The following CYRIA variants were observed in gnomAD, a reference collection of about 807,000 sequenced individuals.
The protein encoded by CYRIA is CYFIP related Rac1 interactor A, also known as CYFIP-related Rac1 interactor A.
In CYRIA, 15 loss-of-function variants were observed where a neutral mutation model predicts 43.9. The observed-to-expected ratio is 0.34, with a 90% CI of 0.23 to 0.53. The LOEUF (loss-of-function observed/expected upper bound fraction) is 0.53. CYRIA is among the 20% of genes least tolerant of loss of function. The pLI is 0.94. For synonymous variants in CYRIA, 117 were observed against 136.0 expected (o/e 0.86, Z 0.97); for missense variants, 236 against 394.2 (o/e 0.60, Z 3.40).
intron 3 of CYRIA, among the ~76,000 whole-genome samples, chr2:16,572,502 C>T (rs1314589437): frequency 6.6e-6 from 1 of 152,094 alleles, no homozygotes; most frequent in Non-Finnish European, 1.5e-5. Flanking sequence ...AACAGCTTAG[C>T]AGATGGGAGG....
rs963484855 is a variant in CYRIA at position 16,650,582 on chromosome 2, A to T, written c.-167+15198T>A. On this transcript the variant is annotated intron_variant, in intron 1 of 11. Transcript: ENST00000381323. This position sits in a 1 kb window ranked among gnomAD's most constrained non-coding sequence, Gnocchi z 4.1. ...GCTGGCAGCCCCAGCTCTCACACTC[A>T]GAGGCTCCACAAAGCAACCCTAAAC... Among the ~76,000 whole-genome samples the T allele has an allele frequency of 1.5e-4, 23 of 152,354 alleles. No homozygotes were observed. The highest frequency in any genetic ancestry group is 1.5e-4 in the Non-Finnish European group (10 of 68,040).
At chr2:16,628,407 G>A (rs553789194) in intron 1 of CYRIA, among the ~76,000 whole-genome samples, 1 of 152,316 alleles carries the variant, frequency 6.6e-6, no homozygotes, top group African/African-American at 2.4e-5. Flanking sequence ...CGTGTGTGCT[G>A]TGAAATGGTT....
chr2:16,663,134 A>G (rs1670306365), intron 1 of CYRIA, among the ~76,000 whole-genome samples: 1 of 152,216 alleles, frequency 6.6e-6, no homozygotes. Context: ...GCTGTCTTTA[A>G]GATTGAGATC....
intron 10 of CYRIA, among the ~76,000 whole-genome samples, chr2:16,555,752 G>C (rs1666486028): frequency 6.6e-6 from 1 of 152,064 alleles, no homozygotes; most frequent in Non-Finnish European, 1.5e-5. Context: ...GAGAAACTTG[G>C]AGAATTTAGT....
chr2:16,558,772 T>C (rs573969317), intron 10 of CYRIA, among the ~76,000 whole-genome samples: 3 of 152,216 alleles, frequency 2.0e-5, no homozygotes, highest in African/African-American at 7.2e-5. Context: ...ATGAGGTATA[T>C]AGATTATGGT....
Position 16,622,652 on chromosome 2 carries a change from A to G in CYRIA, c.-11+1212T>C, listed in dbSNP as rs1378443463. On this transcript the variant is annotated intron_variant, in intron 2 of 11. Transcript: ENST00000381323. ...ATCCCTACCTTACAGGTGGGGAAACAGAAGCTTGGGGATTTAAAATGGTGA... is the reference window on the plus strand; with the variant it reads ...ATCCCTACCTTACAGGTGGGGAAACGGAAGCTTGGGGATTTAAAATGGTGA... Among the ~76,000 whole-genome samples the G allele has an allele frequency of 2.6e-5, 4 of 152,232 alleles. 1 individual carries two copies. The East Asian group carries it at 7.7e-4, about 29-fold the overall frequency.
intron 2 of CYRIA, among the ~76,000 whole-genome samples, chr2:16,613,567 T>C (rs756113689): frequency 3.3e-5 from 5 of 149,518 alleles, no homozygotes; most frequent in Admixed American, 1.3e-4. Flanking sequence ...GTTACTATAT[T>C]GTATATTTCT....
chr2:16,577,882 C>T (rs565965167), intron 3 of CYRIA, among the ~76,000 whole-genome samples: 1 of 152,320 alleles, frequency 6.6e-6, no homozygotes, highest in South Asian at 2.1e-4. Context: ...TGAAGTGTGG[C>T]CATCTATGAC....
chr2:16,586,496 C>A (rs972122944), intron 3 of CYRIA, among the ~76,000 whole-genome samples: 4 of 151,878 alleles, frequency 2.6e-5, no homozygotes, highest in Admixed American at 6.6e-5. Flanking sequence ...CCAAACCAAG[C>A]CAAACAATAA....
chr2:16,613,569 T>C (rs575405333), intron 2 of CYRIA, among the ~76,000 whole-genome samples: 1 of 149,666 alleles, frequency 6.7e-6, no homozygotes, highest in Admixed American at 6.6e-5. Context: ...TACTATATTG[T>C]ATATTTCTGC....
chr2:16,658,829 C>T (rs184665887), intron 1 of CYRIA, among the ~76,000 whole-genome samples: 171 of 152,310 alleles, frequency 1.1e-3, no homozygotes, highest in African/African-American at 4.0e-3. Context: ...GGGTGTTCAT[C>T]AGCATGCATG....
chr2:16,581,813 C>T lies in CYRIA; in HGVS notation c.70+6237G>A, dbSNP rs1400792955. On this transcript the variant is annotated intron_variant, in intron 3 of 11. Coordinates refer to ENST00000381323, the MANE Select transcript of CYRIA (RefSeq NM_030797.4). Reference sequence around the variant, plus strand: ...GGGAAATAGCCCATATGATCATCAACAGGAAAATGAAAACGAATTGTCATA... The same window carrying T: ...GGGAAATAGCCCATATGATCATCAATAGGAAAATGAAAACGAATTGTCATA... Among the ~76,000 whole-genome samples the T allele has an allele frequency of 4.6e-5, 7 of 152,016 alleles. No individual in the cohort carries two copies. The South Asian group carries it at 1.0e-3, about 23-fold the overall frequency.
chr2:16,579,512 G>A (rs1036852814), intron 3 of CYRIA, among the ~76,000 whole-genome samples: 1 of 151,700 alleles, frequency 6.6e-6, no homozygotes, highest in African/African-American at 2.4e-5. Context: ...TCATTGAGAA[G>A]CTTATGGCAT....
chr2:16,603,456 G>T (rs560025348), intron 2 of CYRIA, among the ~76,000 whole-genome samples: 1 of 152,224 alleles, frequency 6.6e-6, no homozygotes, highest in African/African-American at 2.4e-5. Flanking sequence ...CCTTCTATCT[G>T]ACATCTAAGC....
intron 5 of CYRIA, among the ~76,000 whole-genome samples, 167 bp from the exon 6 acceptor site, chr2:16,562,308 C>T (rs1490346001): frequency 1.3e-5 from 2 of 152,150 alleles, no homozygotes; most frequent in Non-Finnish European, 2.9e-5. Flanking sequence ...AGGAATCCCA[C>T]ATGGCTGGGC....
chr2:16,586,174 T>G (rs1308764560), intron 3 of CYRIA, among the ~76,000 whole-genome samples: 1 of 152,092 alleles, frequency 6.6e-6, no homozygotes, highest in Admixed American at 6.6e-5. Flanking sequence ...TCCCAGGCCT[T>G]TATACACCCC....
chr2:16,665,586 AGAGAAGGGCTCCCGGACG>A (rs1670370173), intron 1 of CYRIA, among the ~76,000 whole-genome samples, 176 bp downstream of exon 1: 2 of 151,908 alleles, frequency 1.3e-5, no homozygotes, highest in South Asian at 4.1e-4. Flanking sequence ...GGCGATCGCT[AGAGAAGGGCTCCCGGACG>A]GTGTCCTCCG....
intron 1 of CYRIA, among the ~76,000 whole-genome samples, chr2:16,658,531 A>C (rs1179437739): frequency 6.6e-6 from 1 of 152,212 alleles, no homozygotes. Context: ...CATCCAACCC[A>C]GGTCTGTTTG....
At chr2:16,640,759 G>A (rs1229906980) in intron 1 of CYRIA, among the ~76,000 whole-genome samples, 1 of 152,228 alleles carries the variant, frequency 6.6e-6, no homozygotes, top group African/African-American at 2.4e-5. Flanking sequence ...GGTGGACACA[G>A]TGCAGGTAGA....
Sources: allele counts gnomAD v4.1 joint callset (sites outside exome capture counted in the v4.1 genomes callset), GRCh38; gene constraint gnomAD v4.1.1; non-coding constraint Gnocchi (gnomAD v3.1); transcripts MANE v1.5; gene names NCBI Gene and HGNC (gene_info 2026-07-23, HGNC 2026-07-21).